The following DPP10 variants were observed in gnomAD, a reference collection of about 807,000 sequenced individuals.
DPP10 encodes dipeptidyl peptidase like 10, also known as inactive dipeptidyl peptidase 10.
In DPP10, 33 loss-of-function variants were observed where a neutral mutation model predicts 120.9. The ratio of observed to expected loss-of-function variants is 0.27; its 90% CI spans 0.21 to 0.37. The LOEUF (loss-of-function observed/expected upper bound fraction) is 0.37, where lower values mean the gene tolerates loss of function less well. Ranked by LOEUF, DPP10 falls within the 10% of genes least tolerant of loss-of-function variation. The probability of loss-of-function intolerance (pLI) is 1.00; values close to 1 mark genes in which losing one functional copy is unlikely to be tolerated. For missense variants in DPP10, 816 were observed against 942.8 expected (o/e 0.87, Z 1.76); for synonymous variants, 337 against 326.1 (o/e 1.03, Z -0.36).
At chr2:114,813,941 AACACACACACACACACAC>A (rs375858356) in intron 1 of DPP10, among the ~76,000 whole-genome samples, 3 of 139,402 alleles carry the variant, frequency 2.2e-5, no homozygotes, top group Admixed American at 7.3e-5. Context: ...GGCACGCATG[AACACACACACACACACAC>A]ACACACACAC....
intron 1 of DPP10, among the ~76,000 whole-genome samples, chr2:115,111,658 C>A (rs1425728268): frequency 6.6e-6 from 1 of 152,134 alleles, no homozygotes; most frequent in East Asian, 1.9e-4. Context: ...AAACTTTCAG[C>A]CACCAATACT....
intron 1 of DPP10, among the ~76,000 whole-genome samples, chr2:114,849,615 G>T (rs1369375561): frequency 6.6e-6 from 1 of 151,982 alleles, no homozygotes; most frequent in Non-Finnish European, 1.5e-5. Flanking sequence ...GCGTCCCAAA[G>T]TGCTGGGATT....
Position 115,601,301 on chromosome 2 carries a change from T to G in DPP10, c.441+75329T>G, listed in dbSNP as rs527679448. 2.6e-5 allele frequency among the ~76,000 whole-genome samples: 4 copies of G among 152,344 alleles called. No homozygotes were observed. In the South Asian group the frequency reaches 8.3e-4, roughly 32 times the overall value. On this transcript the variant is annotated intron_variant, in intron 5 of 25. Transcript: ENST00000410059. ...TCATTAAGGTTTCCTAAGATTCAAT[T>G]AGGTTTCTTTGTTTTTTAAGGGGTT...
At chr2:115,578,849 C>T (rs1371765514) in intron 5 of DPP10, among the ~76,000 whole-genome samples, 1 of 152,124 alleles carries the variant, frequency 6.6e-6, no homozygotes, top group African/African-American at 2.4e-5. Context: ...AAAGCAGTGG[C>T]TTTCAAACTT....
In DPP10 at chr2:115,385,271, T is replaced by G. The variant is rs185209600; in HGVS notation, c.271+41359T>G. 5.3e-3 allele frequency among the ~76,000 whole-genome samples: 810 copies of G among 152,210 alleles called. 6 individuals are homozygous for G. The highest frequency in any genetic ancestry group is 0.018 in the African/African-American group (734 of 41,536). Reference sequence around the variant, plus strand: ...CTATACAGAGAGGCCAAGATGAATCTGAAGAGAGGCCTCACTGAGTCCTTC... The same window carrying G: ...CTATACAGAGAGGCCAAGATGAATCGGAAGAGAGGCCTCACTGAGTCCTTC... On this transcript the variant is annotated intron_variant, in intron 3 of 25. Transcript: ENST00000410059.
rs562934609 is a variant in DPP10, at chr2:114,845,778, C to G, written c.60+402940C>G. Among the ~76,000 whole-genome samples the G allele has an allele frequency of 5.9e-5, 9 of 152,238 alleles. No individual in the cohort carries two copies. In the East Asian group the frequency reaches 1.7e-3, roughly 29 times the overall value. On this transcript the variant is annotated intron_variant, in intron 1 of 25. Coordinates refer to ENST00000410059, the MANE Select transcript of DPP10 (RefSeq NM_020868.6). ...ATTGTCAATCACTTCTAAATAGATA[C>G]TTTCTCAGGAAACATGTTTCCTTTC...
At chr2:115,005,273 C>T (rs183211323) in intron 1 of DPP10, among the ~76,000 whole-genome samples, 8 of 151,930 alleles carry the variant, frequency 5.3e-5, no homozygotes, top group East Asian at 1.9e-4. Flanking sequence ...GGGAAAAAAC[C>T]GAACAGAAAA....
intron 1 of DPP10, among the ~76,000 whole-genome samples, chr2:114,582,525 C>G (rs1483882680): frequency 6.6e-6 from 1 of 152,218 alleles, no homozygotes; most frequent in Non-Finnish European, 1.5e-5. Flanking sequence ...AACTGTCTTT[C>G]AAAGTGGCTG....
chr2:115,113,038 C>T (rs2049309821), intron 1 of DPP10, among the ~76,000 whole-genome samples: 1 of 151,996 alleles, frequency 6.6e-6, no homozygotes, highest in African/African-American at 2.4e-5. Context: ...GTTTACTCTG[C>T]AGATACATAG....
intron 1 of DPP10, among the ~76,000 whole-genome samples, chr2:114,872,747 G>T (rs1690793074): frequency 6.6e-6 from 1 of 152,144 alleles, no homozygotes; most frequent in African/African-American, 2.4e-5. Flanking sequence ...TAGCCAAAAT[G>T]GGTATAGAAC....
At chr2:114,558,831 C>T (rs1688529743) in intron 1 of DPP10, among the ~76,000 whole-genome samples, 1 of 152,368 alleles carries the variant, frequency 6.6e-6, no homozygotes, top group African/African-American at 2.4e-5. Flanking sequence ...CCTCTTCCCT[C>T]TCCCATCACA....
At chr2:114,725,702 G>C (rs1357246881) in intron 1 of DPP10, among the ~76,000 whole-genome samples, 1 of 152,160 alleles carries the variant, frequency 6.6e-6, no homozygotes, top group Non-Finnish European at 1.5e-5. Flanking sequence ...GAATAGATGT[G>C]ATTATCCTCC....
intron 1 of DPP10, among the ~76,000 whole-genome samples, chr2:114,590,550 A>G (rs1691378483): frequency 1.3e-5 from 2 of 152,218 alleles, no homozygotes; most frequent in African/African-American, 4.8e-5. Context: ...TCTTAAGTCT[A>G]TACTAACAAT....
chr2:115,788,834 A>C (rs1162797114), intron 17 of DPP10, among the ~76,000 whole-genome samples: 1 of 152,150 alleles, frequency 6.6e-6, no homozygotes, highest in Non-Finnish European at 1.5e-5. Flanking sequence ...AATATAAGGC[A>C]GGCCAGGCGC....
At chr2:115,043,549 A>G (rs1304086060) in intron 1 of DPP10, among the ~76,000 whole-genome samples, 1 of 152,204 alleles carries the variant, frequency 6.6e-6, no homozygotes, top group African/African-American at 2.4e-5. Flanking sequence ...ACTACCACAG[A>G]TTACATAGTA....
chr2:114,610,321 C>T (rs751837288), intron 1 of DPP10, among the ~76,000 whole-genome samples: 8 of 152,120 alleles, frequency 5.3e-5, no homozygotes, highest in Admixed American at 3.9e-4. Context: ...CCAAGCTCTA[C>T]CTGAAACCTA....
Position 115,836,496 on chromosome 2 carries a change from T to C in DPP10, c.2051-11T>C. ...AGTTTCTTCTCGAATGTCTGTTTTCTTGGGTCACAGCCTCAGCTTTCTCTG... is the reference window on the plus strand; with the variant it reads ...AGTTTCTTCTCGAATGTCTGTTTTCCTGGGTCACAGCCTCAGCTTTCTCTG... On this transcript the variant is annotated splice_polypyrimidine_tract_variant and intron_variant, in intron 22 of 25. Coordinates refer to ENST00000410059, the MANE Select transcript of DPP10 (RefSeq NM_020868.6). The C allele has an allele frequency of 6.2e-7, 1 of 1,610,170 alleles. No individual in the cohort carries two copies. The highest frequency in any genetic ancestry group is 1.1e-5 in the South Asian group (1 of 89,734).
chr2:115,387,329 T>C (rs2067014754), intron 3 of DPP10, among the ~76,000 whole-genome samples: 1 of 152,214 alleles, frequency 6.6e-6, no homozygotes, highest in Admixed American at 6.5e-5. Flanking sequence ...CTGGCCTTAG[T>C]TGCTACAACA....
At chr2:115,413,744 A>T (rs1289265961) in intron 3 of DPP10, among the ~76,000 whole-genome samples, 16 of 152,186 alleles carry the variant, frequency 1.1e-4, no homozygotes, top group Non-Finnish European at 1.5e-5. Flanking sequence ...TTAAAAGCCT[A>T]GTTTCCGAGT....
Sources: gnomAD v4.1 joint callset for allele counts (sites outside exome capture counted in the v4.1 genomes callset) on GRCh38, gnomAD v4.1.1 for gene constraint, MANE v1.5 for transcripts, NCBI Gene and HGNC (gene_info 2026-07-23, HGNC 2026-07-21) for gene names.